EPB41L4A: variants seen among roughly 807,000 people sequenced by gnomAD.
The protein encoded by EPB41L4A is band 4.1-like protein 4A.
EPB41L4A carries 100 observed loss-of-function variants against 108.6 expected under a neutral mutation model. The observed-to-expected ratio is 0.92, with a 90% confidence interval of 0.78 to 1.09. The LOEUF is 1.09. Among genes scored for constraint, EPB41L4A ranks in the 50% least tolerant of loss-of-function variants. The pLI is 0.00. For synonymous variants in EPB41L4A, 319 were observed against 289.0 expected (o/e 1.10, Z -1.05); for missense variants, 1,030 against 842.7 (o/e 1.22, Z -2.75).
At chr5:112,376,215 A>G (rs927735625) in intron 1 of EPB41L4A, among the ~76,000 whole-genome samples, 2 of 152,232 alleles carry the variant, frequency 1.3e-5, no homozygotes, top group African/African-American at 2.4e-5. Context: ...AGCAAAACAC[A>G]TAAGAGGATA....
chr5:112,417,905 TA>T (rs1396657479), intron 1 of EPB41L4A, among the ~76,000 whole-genome samples: 1 of 152,164 alleles, frequency 6.6e-6, no homozygotes, highest in East Asian at 1.9e-4. Flanking sequence ...CTAGTGTGCA[TA>T]AAACTATGTA....
intron 1 of EPB41L4A, among the ~76,000 whole-genome samples, chr5:112,333,925 G>A (rs912973739): frequency 8.5e-5 from 13 of 152,086 alleles, no homozygotes; most frequent in Non-Finnish European, 1.5e-5. Flanking sequence ...TATCAACAGC[G>A]TAAACCAAAA....
chr5:112,366,567 G>C (rs1759134294), intron 1 of EPB41L4A, among the ~76,000 whole-genome samples: 1 of 151,972 alleles, frequency 6.6e-6, no homozygotes, highest in African/African-American at 2.4e-5. Context: ...AGGAGCCGTG[G>C]CCTCTGCTGA....
chr5:112,239,431 T>C (rs573663632), intron 11 of EPB41L4A, among the ~76,000 whole-genome samples: 11 of 152,198 alleles, frequency 7.2e-5, no homozygotes, highest in Non-Finnish European at 1.5e-4. Context: ...TAATAAACTT[T>C]ACTATGATCT....
At chr5:112,414,554 C>G (rs1276173769) in intron 1 of EPB41L4A, among the ~76,000 whole-genome samples, 1 of 152,098 alleles carries the variant, frequency 6.6e-6, no homozygotes, top group Non-Finnish European at 1.5e-5. Flanking sequence ...CAAGATAGTT[C>G]AAGCTTACCA....
At position 112,350,970 on chromosome 5, in the gene EPB41L4A, G is replaced by A. The variant is rs79288793; in HGVS notation, c.100-43480C>T. 3.3e-5 allele frequency among the ~76,000 whole-genome samples: 5 copies of A among 152,194 alleles called. 1 individual carries two copies. The highest frequency in any genetic ancestry group is 9.6e-5 in the African/African-American group (4 of 41,538). ...CACATATCCTTCTGGTATACTGATC[G>A]CCTTTCTTTTGGATAAATATCCAGT... On this transcript the variant is annotated intron_variant, in intron 1 of 22. Transcript: ENST00000261486.
intron 1 of EPB41L4A, among the ~76,000 whole-genome samples, chr5:112,362,119 A>G (rs1448242585): frequency 2.6e-5 from 4 of 152,202 alleles, no homozygotes; most frequent in African/African-American, 7.2e-5. Flanking sequence ...GTTTTCAGAG[A>G]CAGGATCTCA....
intron 4 of EPB41L4A, 103 bp downstream of exon 4, chr5:112,275,223 T>C (rs1216993509): frequency 7.3e-7 from 1 of 1,369,304 alleles, no homozygotes; most frequent in Non-Finnish European, 9.8e-7. Flanking sequence ...AAAATGCAGG[T>C]AGACACACAT....
At chr5:112,359,597 G>C (rs1325808170) in intron 1 of EPB41L4A, among the ~76,000 whole-genome samples, 3 of 150,882 alleles carry the variant, frequency 2.0e-5, no homozygotes, top group Admixed American at 6.6e-5. Flanking sequence ...CTAGAGTGCA[G>C]TGGCGCGATC....
chr5:112,215,205 A>G (rs1747530770), intron 12 of EPB41L4A, among the ~76,000 whole-genome samples: 1 of 152,232 alleles, frequency 6.6e-6, no homozygotes, highest in Non-Finnish European at 1.5e-5. Flanking sequence ...CCTGAGACGC[A>G]TGTCAAAAGG....
rs1561465997 is a variant in EPB41L4A, at chr5:112,195,649, T to C, written c.1424+12A>G. ...CTTCCCTCTGACTGTCCTTCCATTT[T>C]TGTTTTTTTACCTCCTCCTTTGCTT... On this transcript the variant is annotated intron_variant, in intron 16 of 22. Transcript: ENST00000261486. The C allele has an allele frequency of 1.9e-6, 3 of 1,608,594 alleles. No homozygotes were observed. Among genetic ancestry groups the C allele is most frequent in the Non-Finnish European group, 1.7e-6 (2 of 1,175,106 alleles).
At chr5:112,178,937 C>G (rs772933619) in intron 18 of EPB41L4A, among the ~76,000 whole-genome samples, 44 of 150,618 alleles carry the variant, frequency 2.9e-4, no homozygotes, top group Admixed American at 7.3e-4. Flanking sequence ...GAAAAAGCAA[C>G]AAAATCTAAA....
chr5:112,329,668 G>T lies in EPB41L4A; in HGVS notation c.100-22178C>A, dbSNP rs144973362. Reference sequence around the variant, plus strand: ...CACCCTTTCTGATTTTATCTGTTCAGTGGCTCCACAATACAACTCTAATCC... The same window carrying T: ...CACCCTTTCTGATTTTATCTGTTCATTGGCTCCACAATACAACTCTAATCC... On this transcript the variant is annotated intron_variant, in intron 1 of 22. Transcript: ENST00000261486. Among the ~76,000 whole-genome samples, 311 of 152,220 alleles carry T rather than the reference G, an allele frequency of 2.0e-3. 3 individuals are homozygous for T. The highest frequency in any genetic ancestry group is 6.9e-3 in the African/African-American group (286 of 41,534).
At chr5:112,316,818 G>A (rs1755455232) in intron 1 of EPB41L4A, among the ~76,000 whole-genome samples, 1 of 152,136 alleles carries the variant, frequency 6.6e-6, no homozygotes, top group South Asian at 2.1e-4. Context: ...GGTCTACCTG[G>A]GCTGAAGAAC....
At chr5:112,167,307 T>A (rs2150194183) in intron 22 of EPB41L4A, among the ~76,000 whole-genome samples, 1 of 152,312 alleles carries the variant, frequency 6.6e-6, no homozygotes, top group East Asian at 1.9e-4. Context: ...AAGCCTAAAC[T>A]TAATCATGAA....
In EPB41L4A at chr5:112,184,039, C is replaced by T. The variant is rs755096060; in HGVS notation, c.1599G>A (p.Arg533=). 32 of 1,613,884 alleles carry T rather than the reference C, an allele frequency of 2.0e-5. No individual in the cohort carries two copies. The East Asian group carries it at 6.5e-4, about 33-fold the overall frequency. The change falls in exon 18 of 23, where the codon AGG becomes AGA. Residue 533 remains arginine (R), a synonymous_variant. Transcript: ENST00000261486. ...KEKNQADPNN[R]RSRHRSRSRS... ...ACGAACGAGATCTGTGTCTGGATCGCCTGTTGTTGGGGTCGGCTTGGTTTT... is the reference window on the plus strand; with the variant it reads ...ACGAACGAGATCTGTGTCTGGATCGTCTGTTGTTGGGGTCGGCTTGGTTTT...
intron 1 of EPB41L4A, among the ~76,000 whole-genome samples, chr5:112,359,776 G>C (rs6886968): frequency 6.6e-6 from 1 of 151,954 alleles, no homozygotes; most frequent in African/African-American, 2.4e-5. Flanking sequence ...TCCTGACCTC[G>C]TGATCCACCC....
At chr5:112,147,465 C>T (rs1411583098) in intron 12 of EPB41L4A, among the ~76,000 whole-genome samples, 3 of 151,628 alleles carry the variant, frequency 2.0e-5, no homozygotes, top group African/African-American at 7.3e-5. Flanking sequence ...CATAGTGAAA[C>T]CCCTTCTCTA....
intron 2 of EPB41L4A, among the ~76,000 whole-genome samples, chr5:112,306,818 G>A (rs1423755173): frequency 1.4e-5 from 2 of 146,050 alleles, no homozygotes; most frequent in Admixed American, 1.3e-4. Flanking sequence ...CGGACTGGAA[G>A]ACCCTCTGAA....
Sources: gnomAD v4.1 joint callset for allele counts (sites outside exome capture counted in the v4.1 genomes callset) on GRCh38, gnomAD v4.1.1 for gene constraint, MANE v1.5 for transcripts, NCBI Gene and HGNC (gene_info 2026-07-23, HGNC 2026-07-21) for gene names.